CRB1: variants seen among roughly 807,000 people sequenced by gnomAD.
CRB1 encodes the protein crumbs cell polarity complex component 1, also known as protein crumbs homolog 1.
A neutral mutation model predicts 120.0 loss-of-function variants in CRB1; 83 were observed. The observed-to-expected ratio is 0.69, with a 90% CI of 0.58 to 0.83. The LOEUF is 0.83. Among genes scored for constraint, CRB1 ranks in the 40% least tolerant of loss-of-function variants. The pLI is 0.00. For synonymous variants in CRB1, 625 were observed against 612.5 expected (o/e 1.02, Z -0.30); for missense variants, 1,699 against 1,687.6 (o/e 1.01, Z -0.12).
the CRB1 span, among the ~76,000 whole-genome samples, chr1:197,236,426 C>T: frequency 6.6e-6 from 1 of 152,078 alleles, no homozygotes; most frequent in Non-Finnish European, 1.5e-5. Context: ...GTCTCAAACT[C>T]CTGACCTCGT....
intron 2 of CRB1, among the ~76,000 whole-genome samples, chr1:197,330,715 A>T (rs979133173): frequency 3.3e-5 from 5 of 152,072 alleles, no homozygotes; most frequent in African/African-American, 1.2e-4. Context: ...TATATTCATT[A>T]TGTTTGTACT....
intron 5 of CRB1, chr1:197,364,044 G>C: frequency 7.3e-7 from 1 of 1,373,656 alleles, no homozygotes; most frequent in Non-Finnish European, 1.0e-6. Context: ...ACTTCTTGAT[G>C]CGAAAGAATC....
At chr1:197,355,011 C>G (rs1015287374) in intron 4 of CRB1, among the ~76,000 whole-genome samples, 1 of 151,704 alleles carries the variant, frequency 6.6e-6, no homozygotes, top group East Asian at 1.9e-4. Context: ...ATTTACAATC[C>G]CTTAGCCATA....
At chr1:197,254,252 A>T in the CRB1 span, among the ~76,000 whole-genome samples, 1 of 152,132 alleles carries the variant, frequency 6.6e-6, no homozygotes. Flanking sequence ...CAAAGTAAAG[A>T]GTCAGCACAT....
chr1:197,347,273 A>C, intron 3 of CRB1, 67 bp from the exon 4 acceptor site: 2 of 1,426,788 alleles, frequency 1.4e-6, no homozygotes, highest in Non-Finnish European at 2.0e-6. Context: ...CAGTTGAAGA[A>C]ACAGTATAAA....
At chr1:197,202,368 T>C in the CRB1 span, among the ~76,000 whole-genome samples, 3 of 152,150 alleles carry the variant, frequency 2.0e-5, no homozygotes, top group Non-Finnish European at 4.4e-5. Context: ...CAAAGATTCA[T>C]ATCACCTGTG....
chr1:197,373,931 A>G (rs1418651689), intron 5 of CRB1, among the ~76,000 whole-genome samples: 1 of 152,194 alleles, frequency 6.6e-6, no homozygotes, highest in Admixed American at 6.5e-5. Flanking sequence ...AAAATATGTC[A>G]ATATTAGCAA....
At chr1:197,375,684 C>G (rs1395953215) in intron 5 of CRB1, among the ~76,000 whole-genome samples, 1 of 152,176 alleles carries the variant, frequency 6.6e-6, no homozygotes, top group Non-Finnish European at 1.5e-5. Flanking sequence ...TTTACTTATG[C>G]ATGGCACCCT....
the CRB1 span, among the ~76,000 whole-genome samples, chr1:197,257,624 T>C: frequency 6.6e-6 from 1 of 152,240 alleles, no homozygotes; most frequent in African/African-American, 2.4e-5. Context: ...CTTTCTTTTA[T>C]ATTTACAGAC....
intron 2 of CRB1, among the ~76,000 whole-genome samples, chr1:197,342,173 A>G (rs537045172): frequency 6.6e-6 from 1 of 152,302 alleles, no homozygotes; most frequent in East Asian, 1.9e-4. Context: ...CATTGATCCA[A>G]TTTCAAGTTA....
chr1:197,222,395 A>G, the CRB1 span: 2 of 766,306 alleles, frequency 2.6e-6, no homozygotes, highest in East Asian at 2.4e-5. Context: ...CTTGGCCAGG[A>G]CTTGCAGTAG....
chr1:197,315,442 C>G (rs1422795937), intron 1 of CRB1, among the ~76,000 whole-genome samples: 2 of 152,214 alleles, frequency 1.3e-5, no homozygotes, highest in African/African-American at 4.8e-5. Context: ...CAGACACTTT[C>G]TTTCTCTCAG....
rs111482451 is a variant in CRB1 at position 197,448,124 on chromosome 1, A to G, written c.4005+5832A>G. On this transcript the variant is annotated intron_variant, in intron 11 of 11. Transcript: ENST00000367400. ...TTCATTTTACTTTCACATAATTAGGAACTTATTTAATAGTGTCTTTCAGAC... is the reference window on the plus strand; with the variant it reads ...TTCATTTTACTTTCACATAATTAGGGACTTATTTAATAGTGTCTTTCAGAC... Among the ~76,000 whole-genome samples, 1,485 of 151,976 alleles carry G rather than the reference A, an allele frequency of 9.8e-3. 13 individuals carry two copies. Among genetic ancestry groups the G allele is most frequent in the South Asian group, 0.028 (133 of 4,814 alleles).
chr1:197,378,791 AT>A (rs1661783387), intron 5 of CRB1, among the ~76,000 whole-genome samples: 1 of 152,220 alleles, frequency 6.6e-6, no homozygotes, highest in Non-Finnish European at 1.5e-5. Flanking sequence ...TCTGGTTATC[AT>A]CTTTTGTTAA....
chr1:197,399,001 A>G (rs1662923621), intron 5 of CRB1, among the ~76,000 whole-genome samples: 1 of 151,576 alleles, frequency 6.6e-6, no homozygotes, highest in Non-Finnish European at 1.5e-5. Flanking sequence ...TTCTTTCAGA[A>G]GTAAAGAAGG....
At chr1:197,352,643 C>T (rs1019826486) in intron 4 of CRB1, among the ~76,000 whole-genome samples, 1 of 150,140 alleles carries the variant, frequency 6.7e-6, no homozygotes, top group Non-Finnish European at 1.5e-5. Flanking sequence ...GGGGTCACTA[C>T]AAAGGATTGT....
intron 1 of CRB1, among the ~76,000 whole-genome samples, chr1:197,328,077 C>T (rs531174708): frequency 1.1e-4 from 17 of 152,232 alleles, no homozygotes; most frequent in Admixed American, 6.5e-4. Flanking sequence ...ATTTGCTATC[C>T]TGTATATAAG....
intron 5 of CRB1, among the ~76,000 whole-genome samples, chr1:197,404,339 G>A (rs1663222473): frequency 6.6e-6 from 1 of 151,740 alleles, no homozygotes; most frequent in African/African-American, 2.4e-5. Flanking sequence ...CTACTCGGGA[G>A]GCTGAGGCAG....
At chr1:197,471,583 G>C (rs1171244235) in intron 11 of CRB1, among the ~76,000 whole-genome samples, 4 of 152,128 alleles carry the variant, frequency 2.6e-5, no homozygotes, top group Non-Finnish European at 4.4e-5. Flanking sequence ...ACATTCCTAA[G>C]CCTTTTATTT....
Sources: gnomAD v4.1 joint callset for allele counts (sites outside exome capture counted in the v4.1 genomes callset) on GRCh38, gnomAD v4.1.1 for gene constraint, MANE v1.5 for transcripts, NCBI Gene and HGNC (gene_info 2026-07-23, HGNC 2026-07-21) for gene names.